Variants in SHC2 observed in about 807,000 individuals in gnomAD.
The protein encoded by SHC2 is SHC adaptor protein 2, also known as SHC-transforming protein 2.
A neutral mutation model predicts 60.6 loss-of-function variants in SHC2; 62 were observed. That is an observed-to-expected ratio of 1.02 (90% CI 0.83 to 1.26). The LOEUF (loss-of-function observed/expected upper bound fraction) is 1.26, where lower values mean the gene tolerates loss of function less well. SHC2 is among the 50% of genes most tolerant of loss of function. The pLI is 0.00. For missense variants in SHC2, 873 were observed against 822.2 expected (o/e 1.06, Z -0.76); for synonymous variants, 375 against 372.4 (o/e 1.01, Z -0.08).
At chr19:460,418 G>A (rs1266864838) in intron 1 of SHC2, 111 bp downstream of exon 1, 3 of 410,858 alleles carry the variant, frequency 7.3e-6, no homozygotes, top group Non-Finnish European at 1.2e-5. Context: ...GGGAGAGCAG[G>A]AAGGATGGGG....
At chr19:419,562 G>A (rs963848233) in intron 11 of SHC2, 3 of 152,476 alleles carry the variant, frequency 2.0e-5, no homozygotes, top group Non-Finnish European at 4.4e-5. Context: ...CGCCGGGAGG[G>A]GCCTGGGACC....
chr19:452,872 G>A (rs1353997036), intron 1 of SHC2, among the ~76,000 whole-genome samples: 1 of 152,162 alleles, frequency 6.6e-6, no homozygotes, highest in Admixed American at 6.5e-5. Context: ...ATCAGCATTT[G>A]CAACAGGTTC....
At chr19:429,177 C>T (rs1460591831) in intron 9 of SHC2, among the ~76,000 whole-genome samples, 3 of 147,474 alleles carry the variant, frequency 2.0e-5, no homozygotes, top group East Asian at 2.0e-4. Context: ...AACCTAACAC[C>T]GTGTGGATGA....
chr19:449,620 T>A (rs1013113100), intron 1 of SHC2, among the ~76,000 whole-genome samples: 4 of 151,510 alleles, frequency 2.6e-5, no homozygotes, highest in African/African-American at 7.3e-5. Context: ...TGTTCATCAA[T>A]AATAACGACA....
Position 422,118 on chromosome 19 carries a change from G to A in SHC2, c.1620+28C>T, listed in dbSNP as rs375764359. ...GCCCAGCGAAGCCCCTGGATGCCCC[G>A]AGACCCTCCCACCTGTGCACAGCTT... On this transcript the variant is annotated intron_variant, in intron 11 of 12. Coordinates refer to ENST00000264554, the MANE Select transcript of SHC2 (RefSeq NM_012435.3). The surrounding 1 kb of genome is among the most constrained non-coding windows in gnomAD (Gnocchi z 5.0). The A allele has an allele frequency of 2.0e-4, 258 of 1,305,940 alleles. No individual in the cohort carries two copies. The African/African-American group carries it at 4.3e-3, about 22-fold the overall frequency. The allele number at this position is 1,305,940 out of a possible 1,614,324, so 80.9% of individuals were successfully genotyped here.
At chr19:444,166 G>A (rs1974996476) in intron 1 of SHC2, among the ~76,000 whole-genome samples, 1 of 152,076 alleles carries the variant, frequency 6.6e-6, no homozygotes, top group Non-Finnish European at 1.5e-5. Flanking sequence ...ATGGATGGAT[G>A]GGTGGGTGGA....
At chr19:444,435 A>T (rs1321496651) in intron 1 of SHC2, among the ~76,000 whole-genome samples, 1 of 151,954 alleles carries the variant, frequency 6.6e-6, no homozygotes. Context: ...CTGCCCCCTT[A>T]TTAACACGTA....
At position 440,563 on chromosome 19, in the gene SHC2, G is replaced by A. The variant is rs1974838340; in HGVS notation, c.539+299C>T. Among the ~76,000 whole-genome samples the A allele has an allele frequency of 6.6e-6, 1 of 152,228 alleles. No homozygotes were observed. The highest frequency in any genetic ancestry group is 2.1e-4 in the South Asian group (1 of 4,832). On this transcript the variant is annotated intron_variant, in intron 2 of 12. Coordinates refer to ENST00000264554, the MANE Select transcript of SHC2 (RefSeq NM_012435.3). This position sits in a 1 kb window ranked among gnomAD's most constrained non-coding sequence, Gnocchi z 7.0. ...GAGACGCCACTGGGCCCCGGTCCCA[G>A]AGGGAACCCGCCAGGCCCTGCACCC... is the stretch of plus-strand genomic sequence containing the variant.
intron 11 of SHC2, among the ~76,000 whole-genome samples, chr19:421,411 A>AG (rs1568280171): frequency 0.019 from 2,049 of 108,878 alleles, 48 homozygotes; most frequent in African/African-American, 0.064. Flanking sequence ...AAAAAAAAAA[A>AG]AAAAAGAAAA....
At chr19:419,270 G>T in intron 11 of SHC2, 1 of 536,582 alleles carries the variant, frequency 1.9e-6, no homozygotes, top group Admixed American at 3.3e-5. Flanking sequence ...GGGTTCTGGG[G>T]CCACGCTTCC....
Position 422,603 on chromosome 19 carries a change from C to T in SHC2, c.1310-147G>A, listed in dbSNP as rs1015947680. On this transcript the variant is annotated intron_variant, in intron 10 of 12. Coordinates refer to ENST00000264554, the MANE Select transcript of SHC2 (RefSeq NM_012435.3). The surrounding 1 kb of genome is among the most constrained non-coding windows in gnomAD (Gnocchi z 5.0). ...CCGAGCGCCCACAGCGTATCAGACT[C>T]GCACTCTGCCCAGCCCCGTGCGTGC... The T allele has an allele frequency of 2.1e-5, 14 of 661,586 alleles. No homozygotes were observed. Among genetic ancestry groups the T allele is most frequent in the East Asian group, 5.5e-5 (2 of 36,304 alleles). The allele number at this position is 661,586 out of a possible 1,614,324, so 41.0% of individuals were successfully genotyped here. A position where few individuals can be genotyped will look rare whatever the true frequency, so the allele number is the denominator to read the frequency against.
In SHC2 at chr19:460,506, CGGGGGGGGT is replaced by C. The variant is rs1975518885; in HGVS notation, c.468+14_468+22del. 5.0e-6 allele frequency: 4 copies of C among 792,930 alleles called. No homozygotes were observed. Among genetic ancestry groups the C allele is most frequent in the Non-Finnish European group, 5.6e-6 (4 of 708,036 alleles). The allele number at this position is 792,930 out of a possible 1,614,324, so 49.1% of individuals were successfully genotyped here. A position where few individuals can be genotyped will look rare whatever the true frequency, so the allele number is the denominator to read the frequency against. Reference sequence around the variant, plus strand: ...GGGGAGGCCGCCGCGAACGGGCTCCCGGGGGGGGTGGGGGGGACTCACCCGCACGACGTA... The same window carrying C: ...GGGGAGGCCGCCGCGAACGGGCTCCCGGGGGGGACTCACCCGCACGACGTA... On this transcript the variant is annotated intron_variant, in intron 1 of 12. Transcript: ENST00000264554.
At chr19:459,469 C>G (rs558670941) in intron 1 of SHC2, among the ~76,000 whole-genome samples, 16 of 143,988 alleles carry the variant, frequency 1.1e-4, no homozygotes, top group Admixed American at 1.0e-3. Context: ...CCCCTCTCAA[C>G]TCAGCGTAGG....
At chr19:426,924 C>T (rs1974430723) in intron 9 of SHC2, among the ~76,000 whole-genome samples, 1 of 152,122 alleles carries the variant, frequency 6.6e-6, no homozygotes, top group Non-Finnish European at 1.5e-5. Context: ...ACCCTGGACC[C>T]GCGCTATGGG....
intron 9 of SHC2, among the ~76,000 whole-genome samples, chr19:428,882 G>A (rs1904764568): frequency 6.6e-6 from 1 of 151,682 alleles, no homozygotes; most frequent in African/African-American, 2.4e-5. Flanking sequence ...ACCTCATACC[G>A]TGTGGATGAC....
intron 8 of SHC2, among the ~76,000 whole-genome samples, chr19:434,280 ATGAG>A (rs917340911): frequency 1.2e-3 from 2 of 1,654 alleles, no homozygotes; most frequent in South Asian, 0.015. Context: ...GAGTGAGATC[ATGAG>A]TGAGTGAGAT....
At position 460,670 on chromosome 19, in the gene SHC2, G is replaced by GCCCCGCGAC. The variant is rs1056728787; in HGVS notation, c.318_326dup (p.Ser107_Gly109dup). 37 of 1,087,640 alleles carry GCCCCGCGAC rather than the reference G, an allele frequency of 3.4e-5. No individual in the cohort carries two copies. The highest frequency in any genetic ancestry group is 8.1e-5 in the South Asian group (2 of 24,726). The allele number at this position is 1,087,640 out of a possible 1,614,324, so 67.4% of individuals were successfully genotyped here. ...CCCCGGACCCCGCCGCCCCCCGCCC[G>GCCCCGCGAC]CCCCGCGACCCCCGCGACCCCGCGC... is the stretch of plus-strand genomic sequence containing the variant. On this transcript the variant is annotated inframe_insertion, in exon 1 of 13. Coordinates refer to ENST00000264554, the MANE Select transcript of SHC2 (RefSeq NM_012435.3).
Position 460,883 on chromosome 19 carries a change from C to G in SHC2, c.114G>C (p.Ala38=). The change falls in exon 1 of 13, where the codon GCG becomes GCC. Residue 38 remains alanine, a synonymous_variant. Transcript: ENST00000264554. ...LLPRMPQWKF[A]APGGFLGRGP... The stretch of plus-strand genomic sequence containing the variant: ...CGCGGCCCAGGAAGCCGCCCGGGGC[C>G]GCGAACTTCCACTGCGGCATTCGGG... 1 of 989,780 alleles carries G rather than the reference C, an allele frequency of 1.0e-6. No homozygotes were observed. The allele number at this position is 989,780 out of a possible 1,614,324, so 61.3% of individuals were successfully genotyped here. A position where few individuals can be genotyped will look rare whatever the true frequency, so the allele number is the denominator to read the frequency against.
At chr19:436,507 A>G (rs1302149880) in intron 5 of SHC2, 76 bp from the exon 6 acceptor site, 2 of 1,587,228 alleles carry the variant, frequency 1.3e-6, no homozygotes, top group Admixed American at 3.4e-5. Flanking sequence ...CCAGCAATGC[A>G]GAGAGATGGG....
Sources: gnomAD v4.1 joint callset for allele counts (sites outside exome capture counted in the v4.1 genomes callset) on GRCh38, gnomAD v4.1.1 for gene constraint, Gnocchi (gnomAD v3.1) non-coding constraint, MANE v1.5 for transcripts, NCBI Gene and HGNC (gene_info 2026-07-23, HGNC 2026-07-21) for gene names.